The following TMEM182 variants were observed in gnomAD, a reference collection of about 807,000 sequenced individuals.
The protein encoded by TMEM182 is transmembrane protein 182.
A neutral mutation model predicts 26.8 loss-of-function variants in TMEM182; 20 were observed. The ratio of observed to expected loss-of-function variants is 0.75; its 90% CI spans 0.53 to 1.09. The LOEUF is 1.09. TMEM182 is among the 50% of genes least tolerant of loss of function. The probability of loss-of-function intolerance (pLI) is 0.00; values close to 1 mark genes in which losing one functional copy is unlikely to be tolerated. For missense variants in TMEM182, 277 were observed against 275.5 expected, an observed-to-expected ratio of 1.01 and a Z score of -0.04; for synonymous variants, 109 against 102.2, an observed-to-expected ratio of 1.07 and a Z score of -0.40.
chr2:102,744,962 G>C (rs1251134322), intron 1 of TMEM182, among the ~76,000 whole-genome samples: 2 of 152,000 alleles, frequency 1.3e-5, no homozygotes, highest in African/African-American at 4.8e-5. Context: ...TATAATTCGG[G>C]AGTATTCTCA....
intron 1 of TMEM182, among the ~76,000 whole-genome samples, chr2:102,737,504 C>G (rs1408208880): frequency 6.6e-6 from 1 of 152,142 alleles, no homozygotes; most frequent in African/African-American, 2.4e-5. Context: ...GAAGCACGGT[C>G]TTGATGTGGA....
At chr2:102,798,728 C>A (rs1474718760) in intron 4 of TMEM182, among the ~76,000 whole-genome samples, 1 of 152,208 alleles carries the variant, frequency 6.6e-6, no homozygotes, top group East Asian at 1.9e-4. Flanking sequence ...GTAATCCCAG[C>A]TACTCAGGAG....
intron 1 of TMEM182, among the ~76,000 whole-genome samples, chr2:102,742,168 G>A (rs1415586862): frequency 6.6e-6 from 1 of 152,142 alleles, no homozygotes; most frequent in Non-Finnish European, 1.5e-5. Flanking sequence ...GAGGGATAAT[G>A]TAAGCAGAGA....
intron 3 of TMEM182, among the ~76,000 whole-genome samples, chr2:102,832,139 G>A (rs116721190): frequency 1.2e-3 from 190 of 152,182 alleles, no homozygotes; most frequent in African/African-American, 3.3e-3. Flanking sequence ...GATTCTATCC[G>A]CCTACATTCT....
chr2:102,790,263 T>A (rs2104713480), intron 3 of TMEM182, among the ~76,000 whole-genome samples: 1 of 152,340 alleles, frequency 6.6e-6, no homozygotes, highest in East Asian at 1.9e-4. Context: ...GCAAGGCCCC[T>A]CTTAGAGGCC....
chr2:102,816,534 T>C lies in TMEM182; in HGVS notation c.*1566T>C. On this transcript the variant is annotated 3_prime_UTR_variant, in exon 5 of 5. Transcript: ENST00000412401. ...CCAATAATAATAATAATAATAATAA[T>C]AATAATAATAATAAAGCTCCAGAGG... 1.0e-6 allele frequency: 1 copy of C among 963,534 alleles called. No homozygotes were observed. The highest frequency in any genetic ancestry group is 1.2e-6 in the Non-Finnish European group (1 of 811,802). The allele number at this position is 963,534 out of a possible 1,614,324, so 59.7% of individuals were successfully genotyped here.
chr2:102,805,910 AAAC>A (rs1179913485), intron 4 of TMEM182, among the ~76,000 whole-genome samples: 1 of 152,150 alleles, frequency 6.6e-6, no homozygotes, highest in Non-Finnish European at 1.5e-5. Context: ...GTCTCTAAAA[AAAC>A]AAAAAAAACC....
chr2:102,776,647 A>C (rs946808622), intron 3 of TMEM182, among the ~76,000 whole-genome samples: 1 of 152,210 alleles, frequency 6.6e-6, no homozygotes, highest in Non-Finnish European at 1.5e-5. Flanking sequence ...TTTTGTGGAC[A>C]TAAGTTTTCA....
intron 1 of TMEM182, among the ~76,000 whole-genome samples, chr2:102,739,918 G>A (rs146338134): frequency 1.3e-3 from 199 of 152,146 alleles, no homozygotes; most frequent in African/African-American, 4.5e-3. Flanking sequence ...TGATCCAGTC[G>A]TCCTATGTCT....
chr2:102,753,645 A>G (rs1482116328), intron 1 of TMEM182, among the ~76,000 whole-genome samples: 1 of 152,194 alleles, frequency 6.6e-6, no homozygotes, highest in Admixed American at 6.5e-5. Context: ...TGCTTGGATT[A>G]CAGACATAAA....
intron 3 of TMEM182, among the ~76,000 whole-genome samples, chr2:102,832,821 T>G (rs1000663676): frequency 1.3e-5 from 2 of 152,214 alleles, no homozygotes; most frequent in Non-Finnish European, 2.9e-5. Flanking sequence ...GTAAACTTTT[T>G]ATTATAATTT....
intron 3 of TMEM182, among the ~76,000 whole-genome samples, chr2:102,765,080 T>C (rs1318107881): frequency 2.6e-5 from 4 of 151,934 alleles, no homozygotes; most frequent in Non-Finnish European, 5.9e-5. Flanking sequence ...ATGTTCTCAA[T>C]AAATTAATAT....
At chr2:102,745,642 C>T (rs1322427944) in intron 1 of TMEM182, among the ~76,000 whole-genome samples, 1 of 152,136 alleles carries the variant, frequency 6.6e-6, no homozygotes, top group Non-Finnish European at 1.5e-5. Context: ...CTCCAAACCT[C>T]CAGTCCCTCT....
At chr2:102,787,657 A>G (rs1260899633) in intron 3 of TMEM182, among the ~76,000 whole-genome samples, 4 of 152,166 alleles carry the variant, frequency 2.6e-5, no homozygotes, top group Non-Finnish European at 5.9e-5. Flanking sequence ...CATTTTTTCA[A>G]AATTTCTGGC....
chr2:102,787,659 A>C (rs780658420), intron 3 of TMEM182, among the ~76,000 whole-genome samples: 1 of 152,160 alleles, frequency 6.6e-6, no homozygotes, highest in Non-Finnish European at 1.5e-5. Flanking sequence ...TTTTTTCAAA[A>C]TTTCTGGCGG....
At chr2:102,754,093 A>G (rs970939809) in intron 1 of TMEM182, among the ~76,000 whole-genome samples, 4 of 152,206 alleles carry the variant, frequency 2.6e-5, no homozygotes, top group Non-Finnish European at 5.9e-5. Context: ...CATAGGCAGT[A>G]AAAATCTGTT....
intron 1 of TMEM182, among the ~76,000 whole-genome samples, chr2:102,742,038 A>G (rs777991852): frequency 6.6e-6 from 1 of 152,236 alleles, no homozygotes; most frequent in African/African-American, 2.4e-5. Context: ...GAGACAAAGC[A>G]AGCGTTAGAA....
intron 3 of TMEM182, among the ~76,000 whole-genome samples, chr2:102,788,459 C>T (rs1681491050): frequency 6.6e-6 from 1 of 152,084 alleles, no homozygotes; most frequent in African/African-American, 2.4e-5. Context: ...CACAGGACCT[C>T]AGTCCCCTCA....
chr2:102,765,287 T>A (rs1029364525), intron 3 of TMEM182, among the ~76,000 whole-genome samples: 8 of 151,002 alleles, frequency 5.3e-5, no homozygotes, highest in African/African-American at 2.0e-4. Flanking sequence ...GAGCTGATGT[T>A]GCAATCTCCA....
Sources: allele counts gnomAD v4.1 joint callset (sites outside exome capture counted in the v4.1 genomes callset), GRCh38; gene constraint gnomAD v4.1.1; transcripts MANE v1.5; gene names NCBI Gene and HGNC (gene_info 2026-07-23, HGNC 2026-07-21).